The following CAST variants were observed in gnomAD, a reference collection of about 807,000 sequenced individuals.
CAST encodes the protein MIR583 host.
Under a neutral mutation model 119.6 loss-of-function variants are expected in CAST, and 76 were observed. The observed-to-expected ratio is 0.64, with a 90% CI of 0.53 to 0.77. The LOEUF (loss-of-function observed/expected upper bound fraction) is 0.77, where lower values mean the gene tolerates loss of function less well. Among genes scored for constraint, CAST ranks in the 30% least tolerant of loss-of-function variants. The probability of loss-of-function intolerance (pLI) is 0.00; values close to 1 mark genes in which losing one functional copy is unlikely to be tolerated. For missense variants in CAST, 953 were observed against 946.5 expected, an observed-to-expected ratio of 1.01 and a Z score of -0.09; for synonymous variants, 319 against 331.6, an observed-to-expected ratio of 0.96 and a Z score of 0.41.
At chr5:96,643,975 C>T (rs1475824240) in intron 1 of CAST, among the ~76,000 whole-genome samples, 2 of 151,464 alleles carry the variant, frequency 1.3e-5, no homozygotes, top group Non-Finnish European at 2.9e-5. Flanking sequence ...GAACCCAGGC[C>T]GCAGAGGTTG....
the CAST span, among the ~76,000 whole-genome samples, chr5:96,301,802 G>T: frequency 6.6e-6 from 1 of 152,212 alleles, no homozygotes; most frequent in Admixed American, 6.5e-5. Flanking sequence ...TACAGCCCCT[G>T]TAGCTGCTTT....
chr5:96,574,420 G>A (rs183590743), intron 1 of CAST, among the ~76,000 whole-genome samples: 1 of 152,216 alleles, frequency 6.6e-6, no homozygotes, highest in Admixed American at 6.5e-5. Context: ...TAGCTTTTTT[G>A]TGTATCTTAG....
chr5:96,386,957 T>C, the CAST span, among the ~76,000 whole-genome samples: 1 of 151,952 alleles, frequency 6.6e-6, no homozygotes, highest in African/African-American at 2.4e-5. Flanking sequence ...AGAGCAAAAC[T>C]CCATCTCAAA....
intron 1 of CAST, among the ~76,000 whole-genome samples, chr5:96,626,126 A>C (rs1436651686): frequency 1.3e-5 from 2 of 152,056 alleles, no homozygotes; most frequent in Admixed American, 6.5e-5. Flanking sequence ...CTGCTTCTCC[A>C]ATAAGGACTG....
At chr5:95,985,258 G>T in the CAST span, among the ~76,000 whole-genome samples, 1 of 152,306 alleles carries the variant, frequency 6.6e-6, no homozygotes, top group South Asian at 2.1e-4. Context: ...AGGCTGCAGT[G>T]AGCTGTGTTT....
intron 1 of CAST, among the ~76,000 whole-genome samples, chr5:96,666,653 T>A (rs550739446): frequency 3.3e-5 from 5 of 152,322 alleles, no homozygotes; most frequent in African/African-American, 1.2e-4. Context: ...ATACAGCCTT[T>A]CTCTTTCAGC....
At chr5:96,594,860 T>C (rs261218) in intron 1 of CAST, among the ~76,000 whole-genome samples, 70,228 of 151,954 alleles carry the variant, frequency 0.46, 16,366 homozygotes, top group Admixed American at 0.51. Flanking sequence ...TGTTTACATA[T>C]AGCAAGCTCT....
intron 1 of CAST, among the ~76,000 whole-genome samples, chr5:96,612,874 C>T (rs538997000): frequency 6.6e-6 from 1 of 152,236 alleles, no homozygotes; most frequent in South Asian, 2.1e-4. Flanking sequence ...TATATACATA[C>T]ATACACACAT....
chr5:96,054,201 C>A, the CAST span, among the ~76,000 whole-genome samples: 23 of 151,394 alleles, frequency 1.5e-4, no homozygotes, highest in Non-Finnish European at 2.8e-4. Context: ...TTATGAGGGC[C>A]TATTCTATTT....
chr5:96,192,681 A>G, the CAST span, among the ~76,000 whole-genome samples: 12 of 152,266 alleles, frequency 7.9e-5, no homozygotes. Flanking sequence ...TACCCCATCA[A>G]CGTCAGACTT....
intron 3 of CAST, chr5:96,702,853 A>C: frequency 2.2e-5 from 22 of 985,510 alleles, no homozygotes; most frequent in Non-Finnish European, 2.5e-5. Flanking sequence ...AGCCGAGCCC[A>C]GCTAGGAATG....
At chr5:96,153,409 C>T in the CAST span, among the ~76,000 whole-genome samples, 1 of 152,150 alleles carries the variant, frequency 6.6e-6, no homozygotes, top group Admixed American at 6.5e-5. Flanking sequence ...TTGACTAGGC[C>T]CTGTCCTGGA....
At chr5:96,176,606 C>T in the CAST span, among the ~76,000 whole-genome samples, 14 of 152,100 alleles carry the variant, frequency 9.2e-5, no homozygotes, top group Non-Finnish European at 4.4e-5. Flanking sequence ...AGGTTAACAC[C>T]AAAGAATATG....
chr5:96,561,624 A>G (rs1037965474), intron 1 of CAST, among the ~76,000 whole-genome samples: 2 of 151,928 alleles, frequency 1.3e-5, no homozygotes, highest in African/African-American at 4.8e-5. Context: ...TGATGGGTTG[A>G]TGGGTGCAGC....
chr5:96,665,483 G>A lies in CAST; in HGVS notation c.75+2986G>A, dbSNP rs543108303. Among the ~76,000 whole-genome samples, 22 of 151,948 alleles carry A rather than the reference G, an allele frequency of 1.4e-4. No individual in the cohort carries two copies. In the South Asian group the frequency reaches 4.2e-3, roughly 29 times the overall value. ...GTGTTCAGTAGCCACAAGCAGCTAG[G>A]GGCTATAGTAATGGACAGTATAGCG... On this transcript the variant is annotated intron_variant, in intron 1 of 31. Transcript: ENST00000675179.
chr5:96,093,957 C>G, the CAST span, among the ~76,000 whole-genome samples: 1 of 152,026 alleles, frequency 6.6e-6, no homozygotes, highest in South Asian at 2.1e-4. Context: ...TCTACTAGAA[C>G]CTATTCCTGG....
chr5:96,684,779 A>G (rs1184605245), intron 2 of CAST, among the ~76,000 whole-genome samples: 1 of 152,120 alleles, frequency 6.6e-6, no homozygotes, highest in Non-Finnish European at 1.5e-5. Context: ...CATGTTGCCC[A>G]GGCTAGTCTC....
chr5:96,162,638 G>A, the CAST span, among the ~76,000 whole-genome samples: 1 of 152,162 alleles, frequency 6.6e-6, no homozygotes, highest in Non-Finnish European at 1.5e-5. Context: ...GGCTGATCTC[G>A]AACTCCTGAC....
chr5:96,427,382 G>C, the CAST span, among the ~76,000 whole-genome samples: 471 of 152,240 alleles, frequency 3.1e-3, 1 homozygote, highest in African/African-American at 0.011. Flanking sequence ...TTTCTATTAT[G>C]CATTATAGGT....
Sources: gnomAD v4.1 joint callset for allele counts (sites outside exome capture counted in the v4.1 genomes callset) on GRCh38, gnomAD v4.1.1 for gene constraint, MANE v1.5 for transcripts, NCBI Gene and HGNC (gene_info 2026-07-23, HGNC 2026-07-21) for gene names.